Variants in SPATA3 observed in about 807,000 individuals in gnomAD.
SPATA3 encodes spermatogenesis-associated protein 3.
In SPATA3, 6 loss-of-function variants were observed where a neutral mutation model predicts 5.7. That is an observed-to-expected ratio of 1.06 (90% CI 0.58 to 2.09). SPATA3 has a LOEUF of 2.09. SPATA3 is among the 30% of genes most tolerant of loss of function. SPATA3 has a pLI of 0.00. For missense variants in SPATA3, 155 were observed against 130.4 expected, an observed-to-expected ratio of 1.19 and a Z score of -0.92; for synonymous variants, 44 against 48.4, an observed-to-expected ratio of 0.91 and a Z score of 0.37.
At position 231,019,386 on chromosome 2, in the gene SPATA3, C is replaced by T. The variant is rs553052060; in HGVS notation, c.*566-334C>T. ...TTGCCCAGGCTGGAGTGCAGTGGTG[C>T]GATCTCAGCTCACTGCAAGCTCCGC... On this transcript the variant is annotated intron_variant, in intron 6 of 8. Transcript: ENST00000452881. Among the ~76,000 whole-genome samples the T allele has an allele frequency of 3.7e-4, 56 of 149,610 alleles. 1 individual carries two copies. The highest frequency in any genetic ancestry group is 1.2e-3 in the East Asian group (6 of 4,928).
downstream of SPATA3, among the ~76,000 whole-genome samples, chr2:231,003,073 A>G (rs564003659): frequency 5.9e-5 from 9 of 152,276 alleles, no homozygotes; most frequent in South Asian, 1.9e-3. Context: ...GGACAAGAGG[A>G]AATGGGAGGG....
chr2:231,017,303 C>T (rs1053681270), intron 6 of SPATA3, among the ~76,000 whole-genome samples: 2 of 152,218 alleles, frequency 1.3e-5, no homozygotes, highest in Non-Finnish European at 2.9e-5. Flanking sequence ...CCCCCTTTGC[C>T]TTCCGTGGTA....
At chr2:231,004,486 G>A (rs1051167177), downstream of SPATA3, among the ~76,000 whole-genome samples, 1 of 152,158 alleles carries the variant, frequency 6.6e-6, no homozygotes, top group African/African-American at 2.4e-5. Flanking sequence ...CTCTGACAGT[G>A]ACATGTCTAG....
chr2:231,000,680 C>G (rs2271374), intron 2 of SPATA3, 143 bp downstream of exon 2: 357,820 of 962,410 alleles, frequency 0.37, 69,185 homozygotes, highest in South Asian at 0.45. Flanking sequence ...CTTTGCTTTG[C>G]CCACTTCCTG....
chr2:231,003,604 G>A (rs1692434642), downstream of SPATA3, among the ~76,000 whole-genome samples: 1 of 152,186 alleles, frequency 6.6e-6, no homozygotes, highest in Non-Finnish European at 1.5e-5. Flanking sequence ...CTCCTTGTCA[G>A]TGCTTTGGCT....
chr2:231,015,582 T>C (rs992555083), intron 6 of SPATA3, among the ~76,000 whole-genome samples: 2 of 152,154 alleles, frequency 1.3e-5, no homozygotes, highest in Admixed American at 6.5e-5. Flanking sequence ...GCTTGTGGAA[T>C]TGGAATCAGG....
At chr2:231,006,517 A>G (rs1331156090), downstream of SPATA3, among the ~76,000 whole-genome samples, 2 of 151,598 alleles carry the variant, frequency 1.3e-5, no homozygotes, top group Non-Finnish European at 2.9e-5. Context: ...AAAAAAAAAG[A>G]AAGAAAGAAA....
chr2:231,013,541 A>T lies in SPATA3; in HGVS notation c.*227-333A>T, dbSNP rs186015749. On this transcript the variant is annotated intron_variant, in intron 5 of 8. Transcript: ENST00000452881. ...GTTTCACTCCTGTTGCCCAGGCTGG[A>T]GTGCAATGGCACAACCTCGGCTCAC... Among the ~76,000 whole-genome samples the T allele has an allele frequency of 3.6e-3, 541 of 150,964 alleles. 9 individuals carry two copies. Among genetic ancestry groups the T allele is most frequent in the Non-Finnish European group, 2.2e-3 (147 of 67,846 alleles).
downstream of SPATA3, among the ~76,000 whole-genome samples, chr2:231,003,664 T>C (rs1396189177): frequency 2.6e-5 from 4 of 152,156 alleles, no homozygotes; most frequent in African/African-American, 4.8e-5. Context: ...GCAGCTCCCT[T>C]TGGGCTGAGG....
rs183218621 is a variant in SPATA3, at chr2:231,013,186, G to A, written c.*226+489G>A. ...CCACCGAGTCTCCCCACCTACCAGC[G>A]CCCTCTTGAGTATCCATCCCCCTTC... On this transcript the variant is annotated intron_variant, in intron 5 of 8. Coordinates refer to the SPATA3 transcript ENST00000452881. Among the ~76,000 whole-genome samples, 302 of 151,546 alleles carry A rather than the reference G, an allele frequency of 2.0e-3. 1 individual carries two copies. The highest frequency in any genetic ancestry group is 3.7e-3 in the Non-Finnish European group (249 of 67,882).
chr2:231,011,027 C>G (rs978550400), downstream of SPATA3, among the ~76,000 whole-genome samples: 1 of 127,166 alleles, frequency 7.9e-6, no homozygotes, highest in Admixed American at 9.8e-5. Flanking sequence ...AAGCTGAGAT[C>G]GTGCCACTGC....
chr2:231,005,401 C>T (rs541651454), downstream of SPATA3, among the ~76,000 whole-genome samples: 33 of 133,876 alleles, frequency 2.5e-4, no homozygotes, highest in African/African-American at 9.0e-4. Context: ...TCATCACCAC[C>T]ACCACCAGTA....
At chr2:231,011,806 A>G (rs962709431), downstream of SPATA3, among the ~76,000 whole-genome samples, 1 of 152,084 alleles carries the variant, frequency 6.6e-6, no homozygotes, top group African/African-American at 2.4e-5. Context: ...GCCACCAATG[A>G]CCCATCAGAG....
downstream of SPATA3, among the ~76,000 whole-genome samples, chr2:231,010,515 G>A (rs1265772192): frequency 6.6e-6 from 1 of 152,194 alleles, no homozygotes; most frequent in Non-Finnish European, 1.5e-5. Context: ...AAGGCTGGGG[G>A]AAAATTCAAG....
At position 230,996,536 on chromosome 2, in the gene SPATA3, T is replaced by A; in HGVS notation, c.791-3830T>A. 1.5e-5 allele frequency: 23 copies of A among 1,551,476 alleles called. No individual in the cohort carries two copies. The highest frequency in any genetic ancestry group is 2.7e-5 in the African/African-American group (2 of 73,186). ...CAGCCCCTCAATCCAGGAAAGCAGGTGGGCTGTCTTCTAGCTTCAGCAGTT... is the reference window on the plus strand; with the variant it reads ...CAGCCCCTCAATCCAGGAAAGCAGGAGGGCTGTCTTCTAGCTTCAGCAGTT... On this transcript the variant is annotated intron_variant, in intron 1 of 2. Coordinates refer to ENST00000645363, the Ensembl canonical transcript of SPATA3.
chr2:231,005,180 A>ATCACCATCACCATCT (rs1692523280), downstream of SPATA3, among the ~76,000 whole-genome samples: 1 of 144,234 alleles, frequency 6.9e-6, no homozygotes, highest in African/African-American at 2.6e-5. Flanking sequence ...CACCATCATC[A>ATCACCATCACCATCT]TCACCATCAC....
chr2:231,009,469 TTAG>T (rs1692725321), downstream of SPATA3, among the ~76,000 whole-genome samples: 3 of 152,104 alleles, frequency 2.0e-5, no homozygotes, highest in Admixed American at 1.3e-4. Flanking sequence ...CTGTGGGCTG[TTAG>T]TAGTGAAGGC....
exon 2 of SPATA3, chr2:231,000,387 C>T (rs1368903461): frequency 1.6e-5 from 24 of 1,523,798 alleles, no homozygotes; most frequent in South Asian, 4.9e-5. Context: ...CGCGCCGGCC[C>T]GCATTCCTGC....
exon 7 of SPATA3, chr2:231,019,765 A>G (rs1693033495): frequency 6.6e-6 from 1 of 150,960 alleles, no homozygotes; most frequent in African/African-American, 2.4e-5. Context: ...TTCTTGTTCC[A>G]TGCTTGGGGT....
Sources: allele counts gnomAD v4.1 joint callset (sites outside exome capture counted in the v4.1 genomes callset), GRCh38; gene constraint gnomAD v4.1.1; transcripts MANE v1.5; gene names NCBI Gene and HGNC (gene_info 2026-07-23, HGNC 2026-07-21).